Variants in VIT observed in about 807,000 individuals in gnomAD.
The protein encoded by VIT is vitrin.
Under a neutral mutation model 78.0 loss-of-function variants are expected in VIT, and 99 were observed. The ratio of observed to expected loss-of-function variants is 1.27; its 90% confidence interval spans 1.08 to 1.50. VIT has a LOEUF of 1.50. Ranked by LOEUF, VIT falls within the 40% of genes most tolerant of loss-of-function variation. The probability of loss-of-function intolerance (pLI) is 0.00; values close to 1 mark genes in which losing one functional copy is unlikely to be tolerated. For missense variants in VIT, 1,126 were observed against 875.3 expected (o/e 1.29, Z -3.61); for synonymous variants, 374 against 334.3 (o/e 1.12, Z -1.29).
intron 6 of VIT, among the ~76,000 whole-genome samples, chr2:36,760,254 A>G (rs1669030809): frequency 6.6e-6 from 1 of 152,096 alleles, no homozygotes; most frequent in African/African-American, 2.4e-5. Context: ...CGGCCTTCCA[A>G]AATGCTAGGA....
intron 3 of VIT, among the ~76,000 whole-genome samples, chr2:36,734,838 G>A (rs532591385): frequency 6.6e-6 from 1 of 152,044 alleles, no homozygotes; most frequent in African/African-American, 2.4e-5. Context: ...CTGGTGGGGG[G>A]GCCCTTTGGA....
intron 2 of VIT, among the ~76,000 whole-genome samples, chr2:36,727,168 T>G (rs1321524422): frequency 6.6e-6 from 1 of 151,950 alleles, no homozygotes. Flanking sequence ...TTCTCAGACA[T>G]TGTGATGAGT....
intron 10 of VIT, 90 bp downstream of exon 10, chr2:36,781,861 G>A (rs1572530132): frequency 5.3e-6 from 8 of 1,508,132 alleles, no homozygotes; most frequent in Admixed American, 1.7e-5. Flanking sequence ...CTGGCATAGC[G>A]GCCGAGCTCC....
chr2:36,809,092 G>A (rs1042842506), intron 15 of VIT, 107 bp downstream of exon 15: 40 of 1,422,930 alleles, frequency 2.8e-5, no homozygotes, highest in Admixed American at 8.0e-5. Flanking sequence ...TTTTTTCTGC[G>A]ACTTAATAAA....
intron 12 of VIT, among the ~76,000 whole-genome samples, chr2:36,790,275 A>T (rs544711049): frequency 6.6e-6 from 1 of 152,202 alleles, no homozygotes; most frequent in African/African-American, 2.4e-5. Flanking sequence ...CTGATGAGAC[A>T]TTGGCCATCC....
chr2:36,746,774 T>A (rs969793234), intron 4 of VIT, among the ~76,000 whole-genome samples: 16 of 152,112 alleles, frequency 1.1e-4, no homozygotes, highest in African/African-American at 3.9e-4. Context: ...TGATGTTTTA[T>A]ATGGATTTTC....
chr2:36,809,007 G>A, intron 15 of VIT, 22 bp downstream of exon 15: 2 of 1,549,332 alleles, frequency 1.3e-6, no homozygotes, highest in Non-Finnish European at 8.7e-7. Flanking sequence ...TTGCCAAGCA[G>A]CCTGGTGCTG....
At chr2:36,723,768 A>G (rs548747959) in intron 2 of VIT, among the ~76,000 whole-genome samples, 2 of 152,222 alleles carry the variant, frequency 1.3e-5, no homozygotes, top group African/African-American at 4.8e-5. Flanking sequence ...CCTGGGTAAC[A>G]TAGTGAGGCT....
intron 1 of VIT, among the ~76,000 whole-genome samples, chr2:36,706,285 A>G (rs1277937738): frequency 6.6e-6 from 1 of 152,148 alleles, no homozygotes; most frequent in African/African-American, 2.4e-5. Flanking sequence ...TTTTCATTTT[A>G]CTACTGATCA....
At chr2:36,803,313 T>C (rs978049221) in intron 13 of VIT, among the ~76,000 whole-genome samples, 4 of 152,226 alleles carry the variant, frequency 2.6e-5, no homozygotes, top group Admixed American at 1.3e-4. Flanking sequence ...CATCAATTCA[T>C]GGAACTAAAA....
chr2:36,757,462 A>G lies in VIT; in HGVS notation c.410-1507A>G, dbSNP rs1168158834. On this transcript the variant is annotated intron_variant, in intron 5 of 15. Coordinates refer to ENST00000379242, the MANE Select transcript of VIT (RefSeq NM_053276.4). ...GCTCCTTTTCCTTCTGAATAGAAAC[A>G]GAAAAAAAAATCACGTTTTAGATCA... is the stretch of plus-strand genomic sequence containing the variant. Among the ~76,000 whole-genome samples, 3 of 35,372 alleles carry G rather than the reference A, an allele frequency of 8.5e-5. No individual in the cohort carries two copies. The South Asian group carries it at 3.1e-3, about 37-fold the overall frequency. 23.2% of individuals were successfully genotyped at this position (35,372 alleles called of 152,430 possible). A position where few individuals can be genotyped will look rare whatever the true frequency, so the allele number is the denominator to read the frequency against.
chr2:36,746,966 T>C (rs890174909), intron 4 of VIT, among the ~76,000 whole-genome samples: 2 of 152,140 alleles, frequency 1.3e-5, no homozygotes, highest in African/African-American at 4.8e-5. Context: ...CTCAAAACGC[T>C]TTCACTGCAA....
intron 7 of VIT, among the ~76,000 whole-genome samples, chr2:36,772,475 T>C (rs751920091): frequency 9.2e-5 from 14 of 151,772 alleles, no homozygotes; most frequent in Non-Finnish European, 1.3e-4. Flanking sequence ...GCGGAGGTTG[T>C]GGGGAGCCGA....
Position 36,798,205 on chromosome 2 carries a change from G to T in VIT, c.1059-3096G>T, listed in dbSNP as rs936631758. ...AATTTCTGATGATTTCCAAGCAGGG[G>T]AATTTTGCGGGCAGAACTGAGGACT... On this transcript the variant is annotated intron_variant, in intron 12 of 15. Transcript: ENST00000379242. 5.9e-5 allele frequency among the ~76,000 whole-genome samples: 9 copies of T among 152,152 alleles called. No individual in the cohort carries two copies. The South Asian group carries it at 1.5e-3, about 25-fold the overall frequency.
At chr2:36,753,310 A>T (rs1668577595) in intron 4 of VIT, among the ~76,000 whole-genome samples, 1 of 152,120 alleles carries the variant, frequency 6.6e-6, no homozygotes, top group Non-Finnish European at 1.5e-5. Flanking sequence ...ACACCATGGC[A>T]CGTGCTTACT....
At chr2:36,699,622 A>G (rs13416300) in intron 1 of VIT, among the ~76,000 whole-genome samples, 1 of 137,240 alleles carries the variant, frequency 7.3e-6, no homozygotes, top group African/African-American at 2.7e-5. Context: ...AGATAGATAT[A>G]TAGGTAGATA....
chr2:36,763,583 CTTTTTT>C (rs70946947), intron 6 of VIT, among the ~76,000 whole-genome samples: 6 of 60,426 alleles, frequency 9.9e-5, no homozygotes, highest in South Asian at 1.5e-3. Flanking sequence ...TCTATCTTCC[CTTTTTT>C]TTTTTTTTTT....
intron 7 of VIT, among the ~76,000 whole-genome samples, chr2:36,768,568 T>C: frequency 6.6e-6 from 1 of 152,230 alleles, no homozygotes; most frequent in East Asian, 1.9e-4. Context: ...ATTTCAATAA[T>C]CCATTGTATT....
At chr2:36,704,634 T>C (rs904956918) in intron 1 of VIT, among the ~76,000 whole-genome samples, 10 of 152,090 alleles carry the variant, frequency 6.6e-5, no homozygotes, top group African/African-American at 2.4e-4. Flanking sequence ...CCCTGGAAAT[T>C]CCTGAGGCTT....
Sources: gnomAD v4.1 joint callset for allele counts (sites outside exome capture counted in the v4.1 genomes callset) on GRCh38, gnomAD v4.1.1 for gene constraint, MANE v1.5 for transcripts, NCBI Gene and HGNC (gene_info 2026-07-23, HGNC 2026-07-21) for gene names.